PYGL: variants seen among roughly 807,000 people sequenced by gnomAD.
PYGL encodes the protein glycogen phosphorylase L.
A neutral mutation model predicts 100.1 loss-of-function variants in PYGL; 90 were observed. The ratio of observed to expected loss-of-function variants is 0.90; its 90% CI spans 0.76 to 1.07. PYGL has a LOEUF of 1.07. Among genes scored for constraint, PYGL ranks in the 50% least tolerant of loss-of-function variants. The pLI is 0.00. For synonymous variants in PYGL, 373 were observed against 393.0 expected, an observed-to-expected ratio of 0.95 and a Z score of 0.60; for missense variants, 1,016 against 1,057.6, an observed-to-expected ratio of 0.96 and a Z score of 0.55.
At chr14:50,928,326 T>G (rs2050572337) in intron 4 of PYGL, among the ~76,000 whole-genome samples, 1 of 152,166 alleles carries the variant, frequency 6.6e-6, no homozygotes, top group African/African-American at 2.4e-5. Flanking sequence ...GATAAATGTT[T>G]CTGTGGCACA....
At position 50,930,508 on chromosome 14, in the gene PYGL, T is replaced by TTA. The variant is rs139848510; in HGVS notation, c.528+1164_528+1165insTA. ...TAAACAGCTCTGGTCCTTAGCAAAA[T>TTA]GTGGAAGTTTGTCTTCCACTCTATC... On this transcript the variant is annotated intron_variant, in intron 4 of 19. Transcript: ENST00000216392. Among the ~76,000 whole-genome samples the TTA allele has an allele frequency of 9.2e-3, 1,407 of 152,332 alleles. 23 individuals carry two copies. The highest frequency in any genetic ancestry group is 0.033 in the African/African-American group (1,362 of 41,566).
chr14:50,912,465 T>A, intron 13 of PYGL, 162 bp from the exon 14 acceptor site: 1 of 850,978 alleles, frequency 1.2e-6, no homozygotes, highest in Non-Finnish European at 1.9e-6. Context: ...TTCAAGCGAT[T>A]ATCCTATCAG....
chr14:50,930,538 A>G (rs993663019), intron 4 of PYGL, among the ~76,000 whole-genome samples: 1 of 152,182 alleles, frequency 6.6e-6, no homozygotes, highest in Non-Finnish European at 1.5e-5. Flanking sequence ...TCTATCCCTA[A>G]TATTCTCCTG....
chr14:50,916,116 A>G lies in PYGL; in HGVS notation c.1093-145T>C, dbSNP rs1290601719. 8.8e-6 allele frequency: 10 copies of G among 1,142,372 alleles called. No homozygotes were observed. The Admixed American group carries it at 2.1e-4, about 24-fold the overall frequency. 70.8% of individuals were successfully genotyped at this position (1,142,372 alleles called of 1,614,324 possible). The stretch of plus-strand genomic sequence containing the variant: ...AGCACTCAATTCCACTAAGTTCCTG[A>G]ATAGTCCAGATAATAGAAACATGTT... On this transcript the variant is annotated intron_variant, in intron 9 of 19. Coordinates refer to ENST00000216392, the MANE Select transcript of PYGL (RefSeq NM_002863.5).
intron 12 of PYGL, 82 bp downstream of exon 12, chr14:50,914,619 C>T (rs2050428449): frequency 8.4e-7 from 1 of 1,195,680 alleles, no homozygotes; most frequent in African/African-American, 1.5e-5. Context: ...CTGCTGCAGA[C>T]TGGATTTATA....
chr14:50,906,326 A>C (rs1476957562), intron 19 of PYGL, among the ~76,000 whole-genome samples: 1 of 152,250 alleles, frequency 6.6e-6, no homozygotes, highest in South Asian at 2.1e-4. Flanking sequence ...AACTACCATC[A>C]TTCCTTAAGG....
rs541398916 is a variant in PYGL at position 50,913,190 on chromosome 14, C to T, written c.1519-60G>A. The T allele has an allele frequency of 2.1e-5, 28 of 1,340,486 alleles. 1 individual carries two copies. Among genetic ancestry groups the T allele is most frequent in the Middle Eastern group, 1.8e-4 (1 of 5,520 alleles). 83.0% of individuals were successfully genotyped at this position (1,340,486 alleles called of 1,614,324 possible). A position where few individuals can be genotyped will look rare whatever the true frequency, so the allele number is the denominator to read the frequency against. ...GGGATGGTAATCAAGTCCAAATGGGCAGTTTCTGTCAGTATTTCTCTCTGT... is the reference window on the plus strand; with the variant it reads ...GGGATGGTAATCAAGTCCAAATGGGTAGTTTCTGTCAGTATTTCTCTCTGT... On this transcript the variant is annotated intron_variant, in intron 12 of 19. Coordinates refer to ENST00000216392, the MANE Select transcript of PYGL (RefSeq NM_002863.5).
intron 17 of PYGL, 126 bp downstream of exon 17, chr14:50,909,769 C>T (rs2050373367): frequency 1.9e-5 from 20 of 1,062,768 alleles, no homozygotes; most frequent in African/African-American, 4.7e-5. Context: ...GGGAGATGTT[C>T]TGCTGCCACC....
chr14:50,944,442 G>C lies in PYGL; in HGVS notation c.-39C>G, dbSNP rs1221775336. On this transcript the variant is annotated 5_prime_UTR_variant, in exon 1 of 20. Coordinates refer to ENST00000216392, the MANE Select transcript of PYGL (RefSeq NM_002863.5). ...GGCTGCGCGGCGGGCTGCGCAGAGA[G>C]CTGGAAGTGCGGCCGGAGGCGCTGG... 1.3e-5 allele frequency: 21 copies of C among 1,565,820 alleles called. No homozygotes were observed. Among genetic ancestry groups the C allele is most frequent in the Non-Finnish European group, 1.8e-5 (21 of 1,158,910 alleles).
chr14:50,928,853 T>C (rs775123432), intron 4 of PYGL, among the ~76,000 whole-genome samples: 10 of 152,204 alleles, frequency 6.6e-5, no homozygotes, highest in Non-Finnish European at 1.0e-4. Context: ...CAGATGCATT[T>C]TGCTTTTTAT....
rs1314622668 is a variant in PYGL at position 50,912,462 on chromosome 14, G to A, written c.1621-159C>T. 32 of 866,276 alleles carry A rather than the reference G, an allele frequency of 3.7e-5. No homozygotes were observed. In the Admixed American group the frequency reaches 5.1e-4, roughly 14 times the overall value. 53.7% of individuals were successfully genotyped at this position (866,276 alleles called of 1,614,324 possible). On this transcript the variant is annotated intron_variant, in intron 13 of 19. Coordinates refer to ENST00000216392, the MANE Select transcript of PYGL (RefSeq NM_002863.5). ...CAGCCTCCACCTCCCACATTCAAGC[G>A]ATTATCCTATCAGGGATTACAGGTA...
intron 12 of PYGL, 107 bp downstream of exon 12, chr14:50,914,594 C>A (rs1385992559): frequency 2.4e-5 from 21 of 879,676 alleles, no homozygotes; most frequent in Non-Finnish European, 3.5e-5. Flanking sequence ...AAACCACATG[C>A]TGAGGAAGCC....
At chr14:50,922,752 T>TC (rs1447233050) in intron 5 of PYGL, among the ~76,000 whole-genome samples, 1 of 152,170 alleles carries the variant, frequency 6.6e-6, no homozygotes, top group East Asian at 1.9e-4. Context: ...GGTCTGAGGC[T>TC]CTCCCTGAGA....
intron 7 of PYGL, among the ~76,000 whole-genome samples, chr14:50,919,239 T>A (rs1343281287): frequency 6.6e-6 from 1 of 152,236 alleles, no homozygotes; most frequent in Non-Finnish European, 1.5e-5. Context: ...AGGTTGGCAG[T>A]ACGGTCCCAG....
intron 17 of PYGL, among the ~76,000 whole-genome samples, chr14:50,909,373 A>G (rs575520443): frequency 2.0e-5 from 3 of 152,348 alleles, no homozygotes; most frequent in African/African-American, 4.8e-5. Flanking sequence ...AGTATATTCA[A>G]CATCCTCCAA....
At position 50,919,570 on chromosome 14, in the gene PYGL, T is replaced by G. The variant is rs565494973; in HGVS notation, c.855+971A>C. On this transcript the variant is annotated intron_variant, in intron 7 of 19. Coordinates refer to ENST00000216392, the MANE Select transcript of PYGL (RefSeq NM_002863.5). ...ACCACTTTAAAAAAATCATTACAGC[T>G]TCATGAAAATGATTTTACCCATAGA... Among the ~76,000 whole-genome samples the G allele has an allele frequency of 2.0e-5, 3 of 152,302 alleles. No homozygotes were observed. In the East Asian group the frequency reaches 5.8e-4, roughly 29 times the overall value.
At chr14:50,918,774 T>G (rs758129798) in intron 7 of PYGL, among the ~76,000 whole-genome samples, 2 of 152,172 alleles carry the variant, frequency 1.3e-5, no homozygotes, top group Non-Finnish European at 2.9e-5. Context: ...CAAAACTACC[T>G]GTACCCCTAA....
At chr14:50,930,161 A>G (rs1278425955) in intron 4 of PYGL, among the ~76,000 whole-genome samples, 1 of 152,258 alleles carries the variant, frequency 6.6e-6, no homozygotes, top group Non-Finnish European at 1.5e-5. Flanking sequence ...ATTTTATTAT[A>G]GAATAGCACA....
chr14:50,921,070 G>A lies in PYGL; in HGVS notation c.661-3C>T. The A allele has an allele frequency of 6.2e-7, 1 of 1,606,706 alleles. No individual in the cohort carries two copies. Among genetic ancestry groups the A allele is most frequent in the Non-Finnish European group, 8.5e-7 (1 of 1,173,316 alleles). ...TCATATGGCAGAGCCAGGACCACCT[G>A]TGGGATTAAACAGAAGCAGCTGCTC... On this transcript the variant is annotated splice_region_variant and splice_polypyrimidine_tract_variant and intron_variant, in intron 5 of 19. Transcript: ENST00000216392.
Sources: allele counts gnomAD v4.1 joint callset (sites outside exome capture counted in the v4.1 genomes callset), GRCh38; gene constraint gnomAD v4.1.1; transcripts MANE v1.5; gene names NCBI Gene and HGNC (gene_info 2026-07-23, HGNC 2026-07-21).